The following ENPP2 variants were observed in gnomAD, a reference collection of about 807,000 sequenced individuals.
ENPP2 encodes autotaxin.
A neutral mutation model predicts 120.2 loss-of-function variants in ENPP2; 51 were observed. The observed-to-expected ratio is 0.42, with a 90% CI of 0.34 to 0.54. ENPP2 has a LOEUF of 0.54. ENPP2 is among the 20% of genes least tolerant of loss of function. The pLI is 0.04. For synonymous variants in ENPP2, 365 were observed against 366.4 expected (o/e 1.00, Z 0.04); for missense variants, 920 against 1,066.5 (o/e 0.86, Z 1.91).
At chr8:119,590,471 C>T in intron 13 of ENPP2, 34 bp downstream of exon 13, 2 of 1,551,400 alleles carry the variant, frequency 1.3e-6, no homozygotes, top group Non-Finnish European at 1.7e-6. Context: ...TGTATTACCA[C>T]TCTAACCACT....
intron 2 of ENPP2, among the ~76,000 whole-genome samples, chr8:119,636,600 A>T (rs1817013057): frequency 4.6e-5 from 7 of 152,234 alleles, no homozygotes; most frequent in Admixed American, 3.3e-4. Flanking sequence ...TATAATATAG[A>T]CCATACTACT....
chr8:119,639,745 A>C (rs1817210927), upstream of ENPP2, among the ~76,000 whole-genome samples: 1 of 152,116 alleles, frequency 6.6e-6, no homozygotes, highest in Non-Finnish European at 1.5e-5. Context: ...TTCCCTAGTT[A>C]TTTCTTGGTT....
intron 1 of ENPP2, among the ~76,000 whole-genome samples, chr8:119,671,652 T>C (rs1295531297): frequency 6.6e-6 from 1 of 152,094 alleles, no homozygotes; most frequent in Non-Finnish European, 1.5e-5. Flanking sequence ...AGAAGACAGA[T>C]CCAGGTCCTA....
chr8:119,663,612 A>G (rs1349585238), intron 1 of ENPP2, among the ~76,000 whole-genome samples: 1 of 152,160 alleles, frequency 6.6e-6, no homozygotes, highest in African/African-American at 2.4e-5. Context: ...ACCTAACACA[A>G]GCAATATTTT....
intron 9 of ENPP2, among the ~76,000 whole-genome samples, chr8:119,607,114 C>T (rs1296124238): frequency 6.6e-6 from 1 of 152,098 alleles, no homozygotes; most frequent in African/African-American, 2.4e-5. Context: ...TAGAGGCTTC[C>T]CCTTGGTCTC....
chr8:119,637,173 T>C (rs926330538), intron 2 of ENPP2, among the ~76,000 whole-genome samples: 2 of 152,074 alleles, frequency 1.3e-5, no homozygotes, highest in Non-Finnish European at 2.9e-5. Flanking sequence ...TCACAGTCAG[T>C]GTTAATGGGA....
intron 24 of ENPP2, among the ~76,000 whole-genome samples, chr8:119,560,076 A>C (rs946399039): frequency 2.0e-5 from 3 of 152,186 alleles, no homozygotes; most frequent in Non-Finnish European, 4.4e-5. Context: ...AGTTTAGAGC[A>C]GTATTTTTAA....
At chr8:119,630,440 G>A (rs1816586109) in intron 2 of ENPP2, among the ~76,000 whole-genome samples, 1 of 152,124 alleles carries the variant, frequency 6.6e-6, no homozygotes, top group African/African-American at 2.4e-5. Flanking sequence ...GTATCTGTGT[G>A]AATTTTTAGC....
At chr8:119,646,993 T>G (rs982350926) in intron 1 of ENPP2, among the ~76,000 whole-genome samples, 5 of 149,644 alleles carry the variant, frequency 3.3e-5, no homozygotes, top group African/African-American at 1.2e-4. Context: ...GTCTGTAATC[T>G]CTCTCTTTTT....
intron 24 of ENPP2, among the ~76,000 whole-genome samples, chr8:119,558,274 C>G (rs1452717769): frequency 1.3e-5 from 2 of 152,152 alleles, no homozygotes; most frequent in Non-Finnish European, 2.9e-5. Flanking sequence ...CCCAACAGGC[C>G]AGAGTTGGAA....
rs990692331 is a variant in ENPP2, at chr8:119,596,062, T to C, written c.973-2202A>G. 20 of 1,512,344 alleles carry C rather than the reference T, an allele frequency of 1.3e-5. No individual in the cohort carries two copies. The Admixed American group carries it at 2.7e-4, about 20-fold the overall frequency. The allele number at this position is 1,512,344 out of a possible 1,614,324, so 93.7% of individuals were successfully genotyped here. On this transcript the variant is annotated intron_variant, in intron 11 of 24. Transcript: ENST00000075322. ...GTCGTCTGTCCCTCTGAGTCAGATA[T>C]AAAGCTTACACTTTCCCATCTGGGA...
At chr8:119,574,650 C>T (rs1812210756) in intron 19 of ENPP2, among the ~76,000 whole-genome samples, 1 of 152,048 alleles carries the variant, frequency 6.6e-6, no homozygotes, top group South Asian at 2.1e-4. Flanking sequence ...CTTTTCCCTC[C>T]TCAGCTTCCT....
intron 1 of ENPP2, among the ~76,000 whole-genome samples, chr8:119,660,660 A>C (rs1420198099): frequency 1.3e-5 from 2 of 152,212 alleles, no homozygotes; most frequent in Non-Finnish European, 2.9e-5. Flanking sequence ...CACTTGTTTC[A>C]TTCTAAAAAT....
At chr8:119,659,237 T>A (rs1817850090) in intron 1 of ENPP2, among the ~76,000 whole-genome samples, 1 of 148,894 alleles carries the variant, frequency 6.7e-6, no homozygotes, top group Non-Finnish European at 1.5e-5. Flanking sequence ...GAATTGCTTG[T>A]ACCTAGGAGA....
At chr8:119,604,612 T>G (rs2130599430) in intron 9 of ENPP2, among the ~76,000 whole-genome samples, 1 of 150,982 alleles carries the variant, frequency 6.6e-6, no homozygotes, top group Non-Finnish European at 1.5e-5. Context: ...AAGACTAAGT[T>G]AAGTATTTAC....
chr8:119,617,203 G>C lies in ENPP2; in HGVS notation c.618C>G (p.Tyr206Ter). 2 of 1,613,668 alleles carry C rather than the reference G, an allele frequency of 1.2e-6. No individual in the cohort carries two copies. The highest frequency in any genetic ancestry group is 1.7e-6 in the Non-Finnish European group (2 of 1,179,618). Reference sequence around the variant, plus strand: ...ATAAGTTAGGAAAGGTTTTAGTTGGGTACACCGGCCTCATGTAGGGAGAGT... The same window carrying C: ...ATAAGTTAGGAAAGGTTTTAGTTGGCTACACCGGCCTCATGTAGGGAGAGT... ...GTHSPYMRPV[Y>*]PTKTFPNLYT... The change falls in exon 7 of 25, where the codon TAC becomes TAG. Residue 206 changes from tyrosine (Y) to a stop codon, truncating the protein, a stop_gained. Coordinates refer to ENST00000075322, the MANE Select transcript of ENPP2 (RefSeq NM_001040092.3). LOFTEE classifies it high-confidence loss of function.
At chr8:119,604,012 CTTTTTTTTTT>C (rs35136821) in intron 9 of ENPP2, among the ~76,000 whole-genome samples, 1 of 136,600 alleles carries the variant, frequency 7.3e-6, no homozygotes, top group African/African-American at 2.7e-5. Context: ...CAATCTCTCT[CTTTTTTTTTT>C]TTTTTTTTTT....
chr8:119,645,841 A>G (rs1445851644), intron 1 of ENPP2, among the ~76,000 whole-genome samples: 1 of 151,492 alleles, frequency 6.6e-6, no homozygotes, highest in Non-Finnish European at 1.5e-5. Context: ...AGGTCTTTTC[A>G]TAACTGCTCT....
In ENPP2 at chr8:119,584,940, T is replaced by C. The variant is rs1252743148; in HGVS notation, c.1368-891A>G. The stretch of plus-strand genomic sequence containing the variant: ...GGCTTGGGATAATAAGACATATGCA[T>C]ACAATACCTCAACAATGCAAGATGA... On this transcript the variant is annotated intron_variant, in intron 15 of 24. Coordinates refer to ENST00000075322, the MANE Select transcript of ENPP2 (RefSeq NM_001040092.3). Among the ~76,000 whole-genome samples, 5 of 152,208 alleles carry C rather than the reference T, an allele frequency of 3.3e-5. No individual in the cohort carries two copies. The East Asian group carries it at 7.7e-4, about 23-fold the overall frequency.
Sources: gnomAD v4.1 joint callset for allele counts (sites outside exome capture counted in the v4.1 genomes callset) on GRCh38, gnomAD v4.1.1 for gene constraint, MANE v1.5 for transcripts, NCBI Gene and HGNC (gene_info 2026-07-23, HGNC 2026-07-21) for gene names.